Variants in DPP6 observed in about 807,000 individuals in gnomAD.
The protein encoded by DPP6 is A-type potassium channel modulatory protein DPP6.
In DPP6, 69 loss-of-function variants were observed where a neutral mutation model predicts 122.6. That is an observed-to-expected ratio of 0.56 (90% CI 0.46 to 0.69). DPP6 has a LOEUF of 0.69. Among genes scored for constraint, DPP6 ranks in the 30% least tolerant of loss-of-function variants. The pLI, the probability that DPP6 is intolerant of heterozygous loss-of-function variation, is 0.00. For synonymous variants in DPP6, 418 were observed against 433.1 expected, an observed-to-expected ratio of 0.97 and a Z score of 0.43; for missense variants, 928 against 1,116.9, an observed-to-expected ratio of 0.83 and a Z score of 2.41.
the DPP6 span, among the ~76,000 whole-genome samples, chr7:153,760,012 AGT>A: frequency 1.4e-5 from 2 of 141,048 alleles, no homozygotes; most frequent in African/African-American, 5.3e-5. Flanking sequence ...TATGTGAGTG[AGT>A]GTGTTCTCTG....
chr7:154,031,852 CTTTTTTTTGT>C (rs1799247153), intron 1 of DPP6, among the ~76,000 whole-genome samples: 1 of 143,740 alleles, frequency 7.0e-6, no homozygotes, highest in Non-Finnish European at 1.5e-5. Flanking sequence ...TTCTTTTTTC[CTTTTTTTTGT>C]TTTTTTTTTT....
chr7:153,789,893 A>G, the DPP6 span, among the ~76,000 whole-genome samples: 1 of 152,136 alleles, frequency 6.6e-6, no homozygotes, highest in Admixed American at 6.6e-5. Flanking sequence ...GACAATATAT[A>G]ATCTTCTTCA....
intron 8 of DPP6, among the ~76,000 whole-genome samples, chr7:154,762,144 A>C (rs1795598809): frequency 6.6e-6 from 1 of 152,184 alleles, no homozygotes; most frequent in Non-Finnish European, 1.5e-5. Flanking sequence ...TCAGAATGAC[A>C]ATTCAACATG....
chr7:154,472,365 A>T (rs6944202), intron 2 of DPP6, among the ~76,000 whole-genome samples: 73,049 of 152,036 alleles, frequency 0.48, 21,100 homozygotes, highest in South Asian at 0.67. Flanking sequence ...TCCACCGACA[A>T]CTTTCTGCCC....
At chr7:154,077,388 C>CT (rs1803632680) in intron 1 of DPP6, among the ~76,000 whole-genome samples, 1 of 152,218 alleles carries the variant, frequency 6.6e-6, no homozygotes, top group Non-Finnish European at 1.5e-5. Context: ...CCCATAAAAA[C>CT]TTTCAGTATC....
chr7:154,091,551 G>A (rs1284809662), intron 1 of DPP6, among the ~76,000 whole-genome samples: 2 of 152,126 alleles, frequency 1.3e-5, no homozygotes, highest in African/African-American at 4.8e-5. Flanking sequence ...CCCGTCAGAA[G>A]CATTTGAGAA....
intron 1 of DPP6, among the ~76,000 whole-genome samples, chr7:154,060,296 T>TC (rs1294885620): frequency 3.0e-5 from 4 of 132,512 alleles, no homozygotes; most frequent in Admixed American, 7.4e-5. Context: ...CAATCCCTCT[T>TC]CCCCCCCTGG....
chr7:153,964,822 C>CTTTCCTTTCCTTTCCTTTTCCT (rs1554420643), intron 1 of DPP6, among the ~76,000 whole-genome samples: 12 of 41,214 alleles, frequency 2.9e-4, no homozygotes, highest in East Asian at 1.1e-3. Context: ...CTTTCCTTTC[C>CTTTCCTTTCCTTTCCTTTTCCT]TTTCCTTTTC....
intron 10 of DPP6, among the ~76,000 whole-genome samples, chr7:154,778,580 C>T: frequency 6.6e-6 from 1 of 151,660 alleles, no homozygotes; most frequent in East Asian, 1.9e-4. Flanking sequence ...AAACCACCAC[C>T]ATCATCAGTA....
At chr7:153,879,384 T>G in the DPP6 span, among the ~76,000 whole-genome samples, 1 of 152,136 alleles carries the variant, frequency 6.6e-6, no homozygotes, top group South Asian at 2.1e-4. Context: ...TATTTGTTTC[T>G]TTCTTTCTTT....
chr7:154,458,930 A>G (rs779393558), intron 2 of DPP6, among the ~76,000 whole-genome samples: 21 of 152,202 alleles, frequency 1.4e-4, no homozygotes, highest in Non-Finnish European at 3.1e-4. Flanking sequence ...TTCACCACAA[A>G]GAAAGGAAAT....
chr7:154,018,694 CAG>C (rs1366988562), intron 1 of DPP6, among the ~76,000 whole-genome samples: 1 of 152,236 alleles, frequency 6.6e-6, no homozygotes, highest in African/African-American at 2.4e-5. Flanking sequence ...TCTTTATACT[CAG>C]AGGAAATCAA....
rs148631731 is a variant in DPP6 at position 154,756,784 on chromosome 7, C to G, written c.884-12633C>G. On this transcript the variant is annotated intron_variant, in intron 8 of 25. Transcript: ENST00000377770. The stretch of plus-strand genomic sequence containing the variant: ...GCTTGTTGTGATACTTGATTCAGCT[C>G]GCGAGATATTCCTAGAACAACGAGA... Among the ~76,000 whole-genome samples, 452 of 152,206 alleles carry G rather than the reference C, an allele frequency of 3.0e-3. 2 individuals are homozygous for G. Among genetic ancestry groups the G allele is most frequent in the Non-Finnish European group, 4.2e-3 (285 of 68,008 alleles).
At chr7:154,666,806 G>A (rs1044169242) in intron 6 of DPP6, among the ~76,000 whole-genome samples, 4 of 152,156 alleles carry the variant, frequency 2.6e-5, no homozygotes, top group Admixed American at 2.0e-4. Flanking sequence ...ATACAAACTT[G>A]TGCACATGTA....
At chr7:154,058,180 G>A (rs1244272608) in intron 1 of DPP6, 4 of 147,138 alleles carry the variant, frequency 2.7e-5, no homozygotes, top group Non-Finnish European at 4.5e-5. Context: ...CAATCCCCGC[G>A]AGGCGGGGAC....
At chr7:154,889,630 C>A in intron 25 of DPP6, 100 bp downstream of exon 25, 1 of 1,524,748 alleles carries the variant, frequency 6.6e-7, no homozygotes, top group Non-Finnish European at 8.8e-7. Flanking sequence ...GCAGCAGACA[C>A]GCCTGTGCTG....
chr7:154,460,449 C>A (rs1821201612), intron 2 of DPP6, among the ~76,000 whole-genome samples: 1 of 152,102 alleles, frequency 6.6e-6, no homozygotes. Flanking sequence ...GTTTCATAAC[C>A]ACGTGGGAAA....
At chr7:153,973,659 G>GTA (rs1340066421) in intron 1 of DPP6, among the ~76,000 whole-genome samples, 2 of 130,416 alleles carry the variant, frequency 1.5e-5, no homozygotes, top group Non-Finnish European at 3.5e-5. Context: ...GTGTGTGTGT[G>GTA]TGTGTGTGTG....
At chr7:153,766,458 A>G in the DPP6 span, among the ~76,000 whole-genome samples, 2 of 152,190 alleles carry the variant, frequency 1.3e-5, no homozygotes, top group East Asian at 1.9e-4. Flanking sequence ...AAAGTTGGGA[A>G]CTAAGTTTTT....
Sources: allele counts gnomAD v4.1 joint callset (sites outside exome capture counted in the v4.1 genomes callset), GRCh38; gene constraint gnomAD v4.1.1; transcripts MANE v1.5; gene names NCBI Gene and HGNC (gene_info 2026-07-23, HGNC 2026-07-21).